Variants in DYNC2LI1 observed in about 807,000 individuals in gnomAD.
DYNC2LI1 encodes the protein dynein cytoplasmic 2 light intermediate chain 1.
DYNC2LI1 carries 45 observed loss-of-function variants against 51.9 expected under a neutral mutation model. That is an observed-to-expected ratio of 0.87 (90% CI 0.68 to 1.11). The LOEUF (loss-of-function observed/expected upper bound fraction) is 1.11. Among genes scored for constraint, DYNC2LI1 ranks in the 50% most tolerant of loss-of-function variants. The pLI, the probability that DYNC2LI1 is intolerant of heterozygous loss-of-function variation, is 0.00. For synonymous variants in DYNC2LI1, 130 were observed against 137.8 expected (o/e 0.94, Z 0.40); for missense variants, 490 against 417.4 (o/e 1.17, Z -1.51).
In DYNC2LI1 at chr2:43,776,677, CATTT is replaced by C. The variant is rs1437709444; in HGVS notation, c.9-104_9-101del. On this transcript the variant is annotated intron_variant, in intron 1 of 12. Transcript: ENST00000260605. ...TTATTGTTCCTCAGAAAATAATGTT[CATTT>C]GTTTCATAAATTATACTGAAATAAA... 5 of 564,976 alleles carry C rather than the reference CATTT, an allele frequency of 8.8e-6. No homozygotes were observed. The Admixed American group carries it at 1.4e-4, about 16-fold the overall frequency. 35.0% of individuals were successfully genotyped at this position (564,976 alleles called of 1,614,324 possible).
the DYNC2LI1 span, among the ~76,000 whole-genome samples, chr2:43,816,575 G>C: frequency 2.0e-5 from 3 of 152,124 alleles, no homozygotes; most frequent in Non-Finnish European, 4.4e-5. Flanking sequence ...ACGGAGTCTT[G>C]TTCTGTCACC....
At chr2:43,814,375 A>G, downstream of DYNC2LI1, 1 of 768,318 alleles carries the variant, frequency 1.3e-6, no homozygotes, top group Non-Finnish European at 2.2e-6. Flanking sequence ...TTTAAATTGA[A>G]TTATTATAAA....
chr2:43,821,071 G>A, the DYNC2LI1 span, among the ~76,000 whole-genome samples: 1 of 152,122 alleles, frequency 6.6e-6, no homozygotes, highest in Non-Finnish European at 1.5e-5. Flanking sequence ...ATTAGGCATG[G>A]CTGCTCTTTA....
At chr2:43,812,463 G>A (rs1666533032), downstream of DYNC2LI1, 1 of 151,930 alleles carries the variant, frequency 6.6e-6, no homozygotes, top group Admixed American at 6.6e-5. Flanking sequence ...TTTGTCTGGT[G>A]TGCTTTGTTC....
At chr2:43,776,500 A>G (rs533158021) in intron 1 of DYNC2LI1, among the ~76,000 whole-genome samples, 4 of 152,308 alleles carry the variant, frequency 2.6e-5, no homozygotes, top group Admixed American at 6.5e-5. Context: ...ATACACAGCT[A>G]TGAACCGTAG....
At chr2:43,814,551 C>CTGA (rs1439860280), downstream of DYNC2LI1, 3 of 1,607,726 alleles carry the variant, frequency 1.9e-6, no homozygotes, top group African/African-American at 4.0e-5. Flanking sequence ...TGTAAAATAA[C>CTGA]TGATGATTTT....
chr2:43,786,126 A>T (rs369557769), intron 3 of DYNC2LI1, among the ~76,000 whole-genome samples: 29 of 152,372 alleles, frequency 1.9e-4, no homozygotes, highest in African/African-American at 7.0e-4. Flanking sequence ...AACTATCATT[A>T]TCTAAATGAT....
At chr2:43,825,081 T>C in the DYNC2LI1 span, 1 of 1,593,870 alleles carries the variant, frequency 6.3e-7, no homozygotes, top group Non-Finnish European at 8.6e-7. Context: ...TTTGAATGTC[T>C]CTGGGAACAC....
chr2:43,810,382 C>A (rs756026891), downstream of DYNC2LI1: 83 of 985,182 alleles, frequency 8.4e-5, no homozygotes, highest in Non-Finnish European at 9.9e-5. Flanking sequence ...GAAGAACAGG[C>A]ACATCTAAGG....
chr2:43,811,369 T>C (rs1666474030), downstream of DYNC2LI1, among the ~76,000 whole-genome samples: 1 of 152,230 alleles, frequency 6.6e-6, no homozygotes, highest in South Asian at 2.1e-4. Flanking sequence ...AGAATTTTAC[T>C]GTGGTTTCCT....
downstream of DYNC2LI1, chr2:43,810,126 C>CGTGG (rs1666431746): frequency 2.8e-6 from 1 of 359,616 alleles, no homozygotes; most frequent in Non-Finnish European, 3.9e-6. Flanking sequence ...TAAGTGCCCA[C>CGTGG]GTTAGACACA....
the DYNC2LI1 span, chr2:43,824,871 T>C: frequency 6.2e-7 from 1 of 1,613,438 alleles, no homozygotes. Flanking sequence ...TGATGGGGAA[T>C]GTGAAAGAAA....
the DYNC2LI1 span, among the ~76,000 whole-genome samples, chr2:43,816,432 CGG>C: frequency 2.0e-5 from 3 of 147,158 alleles, no homozygotes; most frequent in Non-Finnish European, 4.5e-5. Flanking sequence ...GTGCAGGTGG[CGG>C]AGAGAGAGAA....
chr2:43,827,070 A>G, the DYNC2LI1 span, among the ~76,000 whole-genome samples: 3 of 152,200 alleles, frequency 2.0e-5, no homozygotes, highest in Admixed American at 2.0e-4. Flanking sequence ...CACGCCTGTA[A>G]TGCCAACACT....
chr2:43,816,438 G>A, the DYNC2LI1 span, among the ~76,000 whole-genome samples: 1 of 152,216 alleles, frequency 6.6e-6, no homozygotes, highest in South Asian at 2.1e-4. Context: ...GTGGCGGAGA[G>A]AGAGAAATGG....
chr2:43,823,025 G>A, the DYNC2LI1 span: 2 of 1,555,342 alleles, frequency 1.3e-6, no homozygotes, highest in Non-Finnish European at 1.7e-6. Flanking sequence ...GGTCTGTCAG[G>A]GCTGGATGGT....
chr2:43,796,136 A>G (rs966377353), intron 7 of DYNC2LI1, among the ~76,000 whole-genome samples, 178 bp downstream of exon 7: 1 of 152,208 alleles, frequency 6.6e-6, no homozygotes, highest in African/African-American at 2.4e-5. Context: ...GGTAAAGAAA[A>G]TAAATGCAGT....
At chr2:43,808,271 A>AC (rs903696001) in intron 12 of DYNC2LI1, among the ~76,000 whole-genome samples, 11 of 151,816 alleles carry the variant, frequency 7.2e-5, no homozygotes, top group Non-Finnish European at 1.5e-5. Context: ...AAGGAAAAAA[A>AC]AAAACACACA....
the DYNC2LI1 span, chr2:43,822,870 T>G: frequency 6.2e-7 from 1 of 1,614,144 alleles, no homozygotes; most frequent in Non-Finnish European, 8.5e-7. Flanking sequence ...TAGGCCAGCA[T>G]CATCTGCCAC....
Sources: allele counts gnomAD v4.1 joint callset (sites outside exome capture counted in the v4.1 genomes callset), GRCh38; gene constraint gnomAD v4.1.1; transcripts MANE v1.5; gene names NCBI Gene and HGNC (gene_info 2026-07-23, HGNC 2026-07-21).